The following ANPEP variants were observed in gnomAD, a reference collection of about 807,000 sequenced individuals.
The protein encoded by ANPEP is alanyl aminopeptidase, membrane, also known as aminopeptidase N.
A neutral mutation model predicts 114.6 loss-of-function variants in ANPEP; 70 were observed. That is an observed-to-expected ratio of 0.61 (90% CI 0.50 to 0.75). The LOEUF (loss-of-function observed/expected upper bound fraction) is 0.75. ANPEP is among the 30% of genes least tolerant of loss of function. ANPEP has a pLI of 0.00. For synonymous variants in ANPEP, 548 were observed against 522.3 expected, an observed-to-expected ratio of 1.05 and a Z score of -0.67; for missense variants, 1,184 against 1,259.5, an observed-to-expected ratio of 0.94 and a Z score of 0.91.
rs941055984 is a variant in ANPEP, at chr15:89,784,961, T to G, written c.*388A>C. 2 of 179,378 alleles carry G rather than the reference T, an allele frequency of 1.1e-5. No individual in the cohort carries two copies. The highest frequency in any genetic ancestry group is 4.7e-5 in the African/African-American group (2 of 42,616). 11.1% of individuals were successfully genotyped at this position (179,378 alleles called of 1,614,324 possible). Reference sequence around the variant, plus strand: ...ATATACAGATCTGCTGCCCTGTTGATTCCTCAGATTTAGGGTCTTTAGGGA... The same window carrying G: ...ATATACAGATCTGCTGCCCTGTTGAGTCCTCAGATTTAGGGTCTTTAGGGA... On this transcript the variant is annotated 3_prime_UTR_variant, in exon 21 of 21. Coordinates refer to ENST00000300060, the MANE Select transcript of ANPEP (RefSeq NM_001150.3).
rs1219152143 is a variant in ANPEP, at chr15:89,792,432, G to A, written c.2360+20C>T. 2 of 1,613,526 alleles carry A rather than the reference G, an allele frequency of 1.2e-6. No individual in the cohort carries two copies. The highest frequency in any genetic ancestry group is 1.7e-6 in the Non-Finnish European group (2 of 1,179,466). On this transcript the variant is annotated intron_variant, in intron 17 of 20. Transcript: ENST00000300060. Reference sequence around the variant, plus strand: ...GGGGCAGATGAAGACTGGCAGAGGAGGCGCAGGGGAGACACTCACGGGTTA... The same window carrying A: ...GGGGCAGATGAAGACTGGCAGAGGAAGCGCAGGGGAGACACTCACGGGTTA...
chr15:89,799,021 G>C lies in ANPEP; in HGVS notation c.2009+239C>G, dbSNP rs1894530681. On this transcript the variant is annotated intron_variant, in intron 14 of 20. Coordinates refer to ENST00000300060, the MANE Select transcript of ANPEP (RefSeq NM_001150.3). The surrounding 1 kb of genome is among the most constrained non-coding windows in gnomAD (Gnocchi z 4.2). ...TGGAGTAGAGGATGGCTTTGGAGTT[G>C]GACAAGCCTCTGTCTGGCTGTCATG... is the stretch of plus-strand genomic sequence containing the variant. Among the ~76,000 whole-genome samples the C allele has an allele frequency of 1.3e-5, 2 of 152,218 alleles. No individual in the cohort carries two copies. The highest frequency in any genetic ancestry group is 6.5e-5 in the Admixed American group (1 of 15,278).
chr15:89,795,886 G>C (rs1201969747), intron 15 of ANPEP, among the ~76,000 whole-genome samples: 1 of 152,222 alleles, frequency 6.6e-6, no homozygotes, highest in Non-Finnish European at 1.5e-5. Context: ...AGCTCTGGAA[G>C]AGAGCAGGCA....
chr15:89,804,311 G>A lies in ANPEP; in HGVS notation c.1121C>T (p.Ser374Phe). Residue 374 changes from serine to phenylalanine, a missense_variant, in exon 6 of 21, where the codon TCC becomes TTC. Coordinates refer to ENST00000300060, the MANE Select transcript of ANPEP (RefSeq NM_001150.3). ...CACCCGCTCCTTGTTGCTGCTGGAGGAGGACAGGGGGTCGAACAGCAGGGA... is the reference window on the plus strand; with the variant it reads ...CACCCGCTCCTTGTTGCTGCTGGAGAAGGACAGGGGGTCGAACAGCAGGGA... ...ENSLLFDPLS[S>F]SSSNKERVVT... The A allele has an allele frequency of 6.2e-7, 1 of 1,614,188 alleles. No homozygotes were observed. Among genetic ancestry groups the A allele is most frequent in the Non-Finnish European group, 8.5e-7 (1 of 1,180,030 alleles).
rs1010419866 is a variant in ANPEP at position 89,805,302 on chromosome 15, G to A, written c.757+19C>T. 26 of 1,612,782 alleles carry A rather than the reference G, an allele frequency of 1.6e-5. No homozygotes were observed. The East Asian group carries it at 2.5e-4, about 15-fold the overall frequency. Reference sequence around the variant, plus strand: ...GTGCCTGCCCCCTGGCCCTGTGGCCGCAGGCAGGGCCCACTCACCTTTGGG... The same window carrying A: ...GTGCCTGCCCCCTGGCCCTGTGGCCACAGGCAGGGCCCACTCACCTTTGGG... On this transcript the variant is annotated intron_variant, in intron 3 of 20. Coordinates refer to ENST00000300060, the MANE Select transcript of ANPEP (RefSeq NM_001150.3).
At chr15:89,802,225 C>T (rs550044329) in intron 10 of ANPEP, among the ~76,000 whole-genome samples, 3 of 152,112 alleles carry the variant, frequency 2.0e-5, no homozygotes, top group Non-Finnish European at 4.4e-5. Flanking sequence ...TGGGGGCTGC[C>T]GGCCGAGGGT....
At chr15:89,787,385 G>T (rs1968527768) in intron 20 of ANPEP, among the ~76,000 whole-genome samples, 1 of 152,002 alleles carries the variant, frequency 6.6e-6, no homozygotes, top group Non-Finnish European at 1.5e-5. Flanking sequence ...TCTTTTGTGG[G>T]TTTGAAAAAT....
chr15:89,792,462 TG>T lies in ANPEP; in HGVS notation c.2349del (p.Asn784IlefsTer58). 1 of 1,614,080 alleles carries T rather than the reference TG, an allele frequency of 6.2e-7. No individual in the cohort carries two copies. Among genetic ancestry groups the T allele is most frequent in the Non-Finnish European group, 8.5e-7 (1 of 1,179,970 alleles). On this transcript the variant is annotated frameshift_variant, in exon 17 of 21. Coordinates refer to ENST00000300060, the MANE Select transcript of ANPEP (RefSeq NM_001150.3). LOFTEE classifies it high-confidence loss of function. Reference protein sequence around the residue: ...SGLFKQWMENPNNNPIHPNLR... With the variant: ...SGLFKQWMENXNNNPIHPNLR... ...AGGGGAGACACTCACGGGTTATTAT[TG>T]GGGTTCTCCATCCACTGCTTGAAAA...
At chr15:89,797,199 G>A (rs1291585316) in intron 15 of ANPEP, among the ~76,000 whole-genome samples, 1 of 152,226 alleles carries the variant, frequency 6.6e-6, no homozygotes, top group Non-Finnish European at 1.5e-5. Flanking sequence ...CCACACAGCT[G>A]GCAAAAGACA....
At position 89,804,232 on chromosome 15, in the gene ANPEP, C is replaced by G. The variant is rs765893986; in HGVS notation, c.1179+21G>C. ...CGGAGCCCCTGTTTCCTTCTCCGCA[C>G]TCCCCGAGATGGGGGTCTACCTGGT... On this transcript the variant is annotated intron_variant, in intron 6 of 20. Coordinates refer to ENST00000300060, the MANE Select transcript of ANPEP (RefSeq NM_001150.3). The G allele has an allele frequency of 4.3e-6, 7 of 1,613,570 alleles. No individual in the cohort carries two copies. The African/African-American group carries it at 9.3e-5, about 22-fold the overall frequency.
intron 1 of ANPEP, among the ~76,000 whole-genome samples, chr15:89,811,209 AC>A (rs1894809872): frequency 6.6e-6 from 1 of 152,254 alleles, no homozygotes; most frequent in South Asian, 2.1e-4. Context: ...TGGGCTGTGC[AC>A]AAACCACCTT....
Position 89,799,392 on chromosome 15 carries a change from G to C in ANPEP, c.1953+34C>G. ...CTTGCAGTCTGGTGCCTGTCCTGGG[G>C]CAGGGGGCAGGGCGAGGGGTGGCAG... On this transcript the variant is annotated intron_variant, in intron 13 of 20. Transcript: ENST00000300060. This position sits in a 1 kb window ranked among gnomAD's most constrained non-coding sequence, Gnocchi z 4.2. 1 of 1,614,022 alleles carries C rather than the reference G, an allele frequency of 6.2e-7. No individual in the cohort carries two copies. The highest frequency in any genetic ancestry group is 8.5e-7 in the Non-Finnish European group (1 of 1,179,908).
chr15:89,790,421 G>A (rs778922354), intron 20 of ANPEP, 39 bp downstream of exon 20: 48 of 1,586,680 alleles, frequency 3.0e-5, no homozygotes, highest in Non-Finnish European at 7.8e-6. Context: ...GCCTGGGAAG[G>A]AAGTAGGCAG....
chr15:89,790,898 C>T lies in ANPEP; in HGVS notation c.2669+55G>A, dbSNP rs758137651. On this transcript the variant is annotated intron_variant, in intron 19 of 20. Coordinates refer to ENST00000300060, the MANE Select transcript of ANPEP (RefSeq NM_001150.3). ...CGTGTCTTACCCGCACAGGCCACCC[C>T]CCGGGGCCCCAGCCTCGGCGCTCGC... is the stretch of plus-strand genomic sequence containing the variant. 2.0e-4 allele frequency: 318 copies of T among 1,595,536 alleles called. 1 individual carries two copies. The highest frequency in any genetic ancestry group is 2.6e-4 in the Non-Finnish European group (307 of 1,170,472).
intron 18 of ANPEP, among the ~76,000 whole-genome samples, chr15:89,791,455 C>A (rs978402347): frequency 6.6e-6 from 1 of 151,978 alleles, no homozygotes; most frequent in Non-Finnish European, 1.5e-5. Context: ...TCTTTTCTTT[C>A]GAGACGGAGT....
chr15:89,792,581 G>A lies in ANPEP; in HGVS notation c.2250-19C>T, dbSNP rs753160512. On this transcript the variant is annotated intron_variant, in intron 16 of 20. Coordinates refer to ENST00000300060, the MANE Select transcript of ANPEP (RefSeq NM_001150.3). ...GCTGTACCTGCCCCAGGGGTGACAC[G>A]CGGTTAGCACACCTGGCGAACTCCA... 35 of 1,605,396 alleles carry A rather than the reference G, an allele frequency of 2.2e-5. No homozygotes were observed. The highest frequency in any genetic ancestry group is 4.5e-5 in the East Asian group (2 of 44,814).
chr15:89,797,277 A>G (rs1968746012), intron 15 of ANPEP, among the ~76,000 whole-genome samples: 1 of 152,186 alleles, frequency 6.6e-6, no homozygotes, highest in South Asian at 2.1e-4. Context: ...CCATATTTCA[A>G]ATCAACAAAC....
At position 89,803,861 on chromosome 15, in the gene ANPEP, G is replaced by A. The variant is rs752436081; in HGVS notation, c.1293+28C>T. 1.1e-5 allele frequency: 17 copies of A among 1,613,704 alleles called. No individual in the cohort carries two copies. Among genetic ancestry groups the A allele is most frequent in the Admixed American group, 5.0e-5 (3 of 59,992 alleles). On this transcript the variant is annotated intron_variant, in intron 7 of 20. Coordinates refer to ENST00000300060, the MANE Select transcript of ANPEP (RefSeq NM_001150.3). This position sits in a 1 kb window ranked among gnomAD's most constrained non-coding sequence, Gnocchi z 4.2. ...GCCCAGGTCTCCCTCCATGCCCCCC[G>A]CACCAGACCCCTGGGCAGCTGGCTT...
At chr15:89,804,116 C>T in intron 6 of ANPEP, 114 bp from the exon 7 acceptor site, 1 of 1,541,316 alleles carries the variant, frequency 6.5e-7, no homozygotes, top group Non-Finnish European at 8.9e-7. Flanking sequence ...ATTTCAACAC[C>T]ATCGTGACCC....
Sources: gnomAD v4.1 joint callset for allele counts (sites outside exome capture counted in the v4.1 genomes callset) on GRCh38, gnomAD v4.1.1 for gene constraint, Gnocchi (gnomAD v3.1) non-coding constraint, MANE v1.5 for transcripts, NCBI Gene and HGNC (gene_info 2026-07-23, HGNC 2026-07-21) for gene names.